SHANK2: variants seen among roughly 807,000 people sequenced by gnomAD.
SHANK2 encodes SH3 and multiple ankyrin repeat domains 2, also known as SH3 and multiple ankyrin repeat domains protein 2.
A neutral mutation model predicts 133.7 loss-of-function variants in SHANK2; 43 were observed. The ratio of observed to expected loss-of-function variants is 0.32; its 90% CI spans 0.25 to 0.41. The LOEUF (loss-of-function observed/expected upper bound fraction) is 0.41. Ranked by LOEUF, SHANK2 falls within the 10% of genes least tolerant of loss-of-function variation. The pLI is 1.00. For missense variants in SHANK2, 1,994 were observed against 2,235.8 expected (o/e 0.89, Z 2.18); for synonymous variants, 1,017 against 952.8 (o/e 1.07, Z -1.24).
At chr11:70,647,148 G>A (rs2061275363) in intron 17 of SHANK2, among the ~76,000 whole-genome samples, 1 of 152,166 alleles carries the variant, frequency 6.6e-6, no homozygotes, top group Non-Finnish European at 1.5e-5. Flanking sequence ...TTACAGGTAT[G>A]AGCCACCGCG....
At chr11:70,684,772 C>G (rs1329939451) in intron 15 of SHANK2, among the ~76,000 whole-genome samples, 1 of 151,918 alleles carries the variant, frequency 6.6e-6, no homozygotes, top group African/African-American at 2.4e-5. Flanking sequence ...CTGGCCCTGC[C>G]AATCCAGTGA....
chr11:70,935,290 T>C (rs1950557200), intron 10 of SHANK2, among the ~76,000 whole-genome samples: 1 of 152,004 alleles, frequency 6.6e-6, no homozygotes, highest in Admixed American at 6.6e-5. Flanking sequence ...ACACAGCCCA[T>C]ACATGTAGGG....
intron 17 of SHANK2, among the ~76,000 whole-genome samples, chr11:70,608,644 C>T (rs1302226537): frequency 4.6e-5 from 7 of 152,232 alleles, no homozygotes; most frequent in African/African-American, 1.2e-4. Flanking sequence ...CCCCATCAGC[C>T]GCAGGAGCGC....
intron 17 of SHANK2, among the ~76,000 whole-genome samples, chr11:70,578,675 G>C (rs2060147187): frequency 1.3e-5 from 2 of 152,156 alleles, no homozygotes; most frequent in Non-Finnish European, 2.9e-5. Context: ...CCAGGTGCGT[G>C]ACCTCATGCT....
chr11:70,751,796 A>G (rs1946754149), intron 14 of SHANK2, among the ~76,000 whole-genome samples: 1 of 152,198 alleles, frequency 6.6e-6, no homozygotes, highest in Non-Finnish European at 1.5e-5. Context: ...GTAAAGCATT[A>G]AGTAAACTGG....
chr11:70,516,888 C>T (rs2059272804), intron 17 of SHANK2, among the ~76,000 whole-genome samples: 1 of 152,076 alleles, frequency 6.6e-6, no homozygotes. Context: ...GCCTGGCCAA[C>T]ATGGTGAAAC....
intron 17 of SHANK2, among the ~76,000 whole-genome samples, chr11:70,575,529 G>A (rs71467493): frequency 0.21 from 30,721 of 143,100 alleles, 3,829 homozygotes; most frequent in South Asian, 0.3. Flanking sequence ...AAAAAAAAAA[G>A]AAAGTACAAA....
chr11:70,573,387 G>A (rs2060074315), intron 17 of SHANK2, among the ~76,000 whole-genome samples: 1 of 151,022 alleles, frequency 6.6e-6, no homozygotes, highest in African/African-American at 2.4e-5. Context: ...CCTTGGCGAT[G>A]GTTTCCCAAG....
At chr11:71,088,431 A>G (rs1951447995) in intron 8 of SHANK2, among the ~76,000 whole-genome samples, 1 of 152,184 alleles carries the variant, frequency 6.6e-6, no homozygotes, top group Non-Finnish European at 1.5e-5. Context: ...ACATCAAATG[A>G]CAGTTCTGTT....
In SHANK2 at chr11:71,089,935, C is replaced by T. The variant is rs1006880455; in HGVS notation, c.912+2487G>A. ...GAGGGAACAAGGACAGAAACACTGG[C>T]GAGTTTCCACCAGGGACAAAGCGAG... is the stretch of plus-strand genomic sequence containing the variant. On this transcript the variant is annotated intron_variant, in intron 8 of 25. Transcript: ENST00000601538. Among the ~76,000 whole-genome samples, 87 of 152,236 alleles carry T rather than the reference C, an allele frequency of 5.7e-4. 1 individual carries two copies. The highest frequency in any genetic ancestry group is 1.8e-3 in the African/African-American group (75 of 41,554).
Position 70,948,188 on chromosome 11 carries a change from C to T in SHANK2, c.1108-51621G>A, listed in dbSNP as rs1281578392. 2.1e-5 allele frequency: 9 copies of T among 422,442 alleles called. No individual in the cohort carries two copies. The Middle Eastern group carries it at 2.1e-3, about 97-fold the overall frequency. 26.2% of individuals were successfully genotyped at this position (422,442 alleles called of 1,614,324 possible). ...CTCGGCTCCCAGCGTGAAGGAAACT[C>T]GCTTCCGCATTGCCAGCTCCGTACC... On this transcript the variant is annotated intron_variant, in intron 10 of 25. Transcript: ENST00000601538.
intron 22 of SHANK2, 43 bp downstream of exon 22, chr11:70,492,292 C>T: frequency 1.2e-6 from 2 of 1,602,756 alleles, no homozygotes; most frequent in Non-Finnish European, 1.7e-6. Flanking sequence ...TTCCTGGGCA[C>T]CGTCGGCCCC....
chr11:70,764,245 GCATC>G lies in SHANK2; in HGVS notation c.1777+34194_1777+34197del, dbSNP rs782104708. ...ATCCATCTATCCACTACCCACCCATGCATCCATCCATCCATCCATCCATCCACAC... is the reference window on the plus strand; with the variant it reads ...ATCCATCTATCCACTACCCACCCATGCATCCATCCATCCATCCATCCACAC... On this transcript the variant is annotated intron_variant, in intron 14 of 25. Transcript: ENST00000601538. Among the ~76,000 whole-genome samples, 96 of 114,890 alleles carry G rather than the reference GCATC, an allele frequency of 8.4e-4. 1 individual carries two copies. The highest frequency in any genetic ancestry group is 1.1e-3 in the Non-Finnish European group (63 of 55,214). 75.4% of individuals were successfully genotyped at this position (114,890 alleles called of 152,430 possible).
intron 14 of SHANK2, among the ~76,000 whole-genome samples, chr11:70,788,417 T>G (rs1385325678): frequency 6.6e-6 from 1 of 152,328 alleles, no homozygotes; most frequent in Admixed American, 6.5e-5. Flanking sequence ...TTCAATTGCA[T>G]GCCATTCTGA....
Position 70,492,354 on chromosome 11 carries a change from G to A in SHANK2, c.2420C>T (p.Pro807Leu), listed in dbSNP as rs782130683. The change falls in exon 22 of 26, where the codon CCG (proline) becomes CTG (leucine). Residue 807 changes from proline to leucine, a missense_variant. By Grantham distance (98) the Pro-to-Leu change is moderately conservative (BLOSUM62 -3). Coordinates refer to ENST00000601538, the MANE Select transcript of SHANK2 (RefSeq NM_012309.5). ...IKQRPSSRCF[P>L]AGSDMNSVYE... ...ACTCACGTTCATGTCTGAGCCCGCC[G>A]GGAAGCACCGGCTGCTGGGCCGCTG... 32 of 1,612,154 alleles carry A rather than the reference G, an allele frequency of 2.0e-5. No homozygotes were observed. Among genetic ancestry groups the A allele is most frequent in the South Asian group, 8.8e-5 (8 of 91,082 alleles).
chr11:70,681,040 C>T (rs782483096), intron 15 of SHANK2, among the ~76,000 whole-genome samples: 6 of 152,330 alleles, frequency 3.9e-5, no homozygotes, highest in Admixed American at 1.3e-4. Context: ...CTCTGGGGTG[C>T]TGGTGGCCCA....
chr11:70,737,070 C>T (rs1555033720), intron 14 of SHANK2, among the ~76,000 whole-genome samples: 1 of 152,142 alleles, frequency 6.6e-6, no homozygotes, highest in East Asian at 1.9e-4. Flanking sequence ...GGGATAAAAT[C>T]CTTTCTGAGC....
chr11:71,092,612 C>T (rs868988524), intron 7 of SHANK2, 23 bp from the exon 8 acceptor site: 14 of 1,548,890 alleles, frequency 9.0e-6, no homozygotes, highest in East Asian at 4.9e-5. Context: ...AATTGAAAGC[C>T]GTCGTTATTG....
At chr11:71,228,690 G>A (rs1431301856) in intron 1 of SHANK2, among the ~76,000 whole-genome samples, 6 of 152,164 alleles carry the variant, frequency 3.9e-5, no homozygotes, top group Non-Finnish European at 7.4e-5. Context: ...CCTAAGAGGC[G>A]GAGGTTGCAG....
Sources: allele counts gnomAD v4.1 joint callset (sites outside exome capture counted in the v4.1 genomes callset), GRCh38; gene constraint gnomAD v4.1.1; transcripts MANE v1.5; gene names NCBI Gene and HGNC (gene_info 2026-07-23, HGNC 2026-07-21).